STXBP4: variants seen among roughly 807,000 people sequenced by gnomAD.
The protein encoded by STXBP4 is syntaxin-binding protein 4.
Under a neutral mutation model 76.1 loss-of-function variants are expected in STXBP4, and 55 were observed. The ratio of observed to expected loss-of-function variants is 0.72; its 90% CI spans 0.58 to 0.91. The LOEUF (loss-of-function observed/expected upper bound fraction) is 0.91. Ranked by LOEUF, STXBP4 falls within the 40% of genes least tolerant of loss-of-function variation. The pLI, the probability that STXBP4 is intolerant of heterozygous loss-of-function variation, is 0.00. For synonymous variants in STXBP4, 201 were observed against 220.2 expected (o/e 0.91, Z 0.77); for missense variants, 618 against 636.9 (o/e 0.97, Z 0.32).
At chr17:55,047,649 A>G (rs1187077611) in intron 12 of STXBP4, among the ~76,000 whole-genome samples, 1 of 151,906 alleles carries the variant, frequency 6.6e-6, no homozygotes, top group Non-Finnish European at 1.5e-5. Context: ...AAACAAATAT[A>G]TGACAATATC....
At chr17:54,997,026 A>G (rs1470639651) in intron 4 of STXBP4, among the ~76,000 whole-genome samples, 46 of 152,214 alleles carry the variant, frequency 3.0e-4, no homozygotes, top group Admixed American at 2.9e-3. Context: ...ATTGCCTCCC[A>G]TGTCAGGTAG....
At chr17:55,108,820 G>A (rs142003753) in intron 16 of STXBP4, among the ~76,000 whole-genome samples, 2,980 of 152,250 alleles carry the variant, frequency 0.02, 39 homozygotes, top group Non-Finnish European at 0.03. Flanking sequence ...CATTGATCTC[G>A]CTGGGAGCTG....
At chr17:55,174,955 C>T (rs577292402), downstream of STXBP4, among the ~76,000 whole-genome samples, 15 of 152,056 alleles carry the variant, frequency 9.9e-5, no homozygotes, top group African/African-American at 2.9e-4. Flanking sequence ...ACCTGGGAGG[C>T]GGAGCTTGCA....
At chr17:55,000,007 A>G (rs2077881746) in intron 6 of STXBP4, among the ~76,000 whole-genome samples, 165 bp downstream of exon 6, 1 of 152,194 alleles carries the variant, frequency 6.6e-6, no homozygotes, top group South Asian at 2.1e-4. Flanking sequence ...TGTGTTTTCA[A>G]TAAACATATT....
At chr17:55,182,168 A>C in the STXBP4 span, among the ~76,000 whole-genome samples, 1 of 152,228 alleles carries the variant, frequency 6.6e-6, no homozygotes, top group Non-Finnish European at 1.5e-5. Flanking sequence ...GAATCAAGAG[A>C]AAACAGCAAA....
chr17:54,992,913 A>C (rs943255088), intron 4 of STXBP4, among the ~76,000 whole-genome samples: 6 of 151,880 alleles, frequency 4.0e-5, no homozygotes, highest in African/African-American at 1.5e-4. Flanking sequence ...GAGTTTCACC[A>C]TGTTGGCCAG....
intron 12 of STXBP4, among the ~76,000 whole-genome samples, chr17:55,059,305 A>AT (rs1269533132): frequency 1.3e-5 from 2 of 152,124 alleles, no homozygotes; most frequent in Non-Finnish European, 2.9e-5. Context: ...TAATTAATTA[A>AT]TTTTTTGACA....
At position 55,081,084 on chromosome 17, in the gene STXBP4, C is replaced by G; in HGVS notation, c.1390C>G (p.Leu464Val). The G allele has an allele frequency of 6.5e-7, 1 of 1,542,980 alleles. No homozygotes were observed. The highest frequency in any genetic ancestry group is 8.7e-7 in the Non-Finnish European group (1 of 1,151,408). Residue 464 changes from leucine (L) to valine (V), a missense_variant, in exon 16 of 18, where the codon CTC (leucine) becomes GTC (valine). Transcript: ENST00000376352. ...AGCTGTGTTAGCTTCTCAGACTTCC[C>G]TCACACCACTGGGAAGGAATGGACG... ...RRAVLASQTSLTPLGRNGRSI... is the reference protein window; with the variant it reads ...RRAVLASQTSVTPLGRNGRSI...
intron 10 of STXBP4, among the ~76,000 whole-genome samples, chr17:55,040,798 A>C (rs1189211581): frequency 6.6e-6 from 1 of 152,210 alleles, no homozygotes; most frequent in Non-Finnish European, 1.5e-5. Flanking sequence ...CAGATGTGGA[A>C]GGTTAAGGAA....
At chr17:55,098,128 A>G (rs2079517135) in intron 16 of STXBP4, among the ~76,000 whole-genome samples, 1 of 152,166 alleles carries the variant, frequency 6.6e-6, no homozygotes. Context: ...AAACCCTGGA[A>G]GATAATGAAC....
rs2080383111 is a variant in STXBP4, at chr17:55,167,607, G to T, written c.*7696G>T. ...AGGTTCTGAAGAAATACCACAGAAT[G>T]ATTTTGGTATAGAAGGGTAGATAAA... On this transcript the variant is annotated 3_prime_UTR_variant, in exon 18 of 18. Coordinates refer to ENST00000376352, the MANE Select transcript of STXBP4 (RefSeq NM_178509.6). The T allele has an allele frequency of 6.6e-6, 1 of 152,188 alleles. No individual in the cohort carries two copies. Among genetic ancestry groups the T allele is most frequent in the African/African-American group, 2.4e-5 (1 of 41,448 alleles). The allele number at this position is 152,188 out of a possible 1,614,324, so 9.4% of individuals were successfully genotyped here.
intron 8 of STXBP4, among the ~76,000 whole-genome samples, chr17:55,009,117 T>C (rs2144552959): frequency 6.6e-6 from 1 of 152,324 alleles, no homozygotes; most frequent in South Asian, 2.1e-4. Context: ...AGTGTTTAAA[T>C]AGCTGCTTCG....
chr17:55,084,128 C>T (rs1016634851), intron 16 of STXBP4, among the ~76,000 whole-genome samples: 4 of 152,054 alleles, frequency 2.6e-5, no homozygotes, highest in Non-Finnish European at 5.9e-5. Context: ...TTCTCCACAT[C>T]CTCTCCAGCA....
At chr17:55,207,797 C>T in the STXBP4 span, among the ~76,000 whole-genome samples, 7 of 152,200 alleles carry the variant, frequency 4.6e-5, no homozygotes, top group East Asian at 1.9e-4. Flanking sequence ...CACGCACGTG[C>T]GCACGTGTGC....
intron 1 of STXBP4, among the ~76,000 whole-genome samples, chr17:54,980,269 T>G (rs181682594): frequency 5.3e-5 from 8 of 152,250 alleles, no homozygotes; most frequent in African/African-American, 1.9e-4. Flanking sequence ...TTTTTGTTAT[T>G]TACAAAATAG....
chr17:55,040,019 A>G (rs2078671184), intron 10 of STXBP4, among the ~76,000 whole-genome samples: 1 of 152,120 alleles, frequency 6.6e-6, no homozygotes, highest in South Asian at 2.1e-4. Context: ...AAAAAGAGAA[A>G]AGGGACAAAC....
chr17:55,094,175 A>G (rs2079453571), intron 16 of STXBP4, among the ~76,000 whole-genome samples: 1 of 151,438 alleles, frequency 6.6e-6, no homozygotes. Context: ...GAAAAAAAAA[A>G]AAAAAAAAGC....
chr17:54,984,545 G>A (rs1372199655), intron 1 of STXBP4, among the ~76,000 whole-genome samples: 8 of 151,488 alleles, frequency 5.3e-5, no homozygotes, highest in East Asian at 1.9e-4. Context: ...AGATTTCACC[G>A]TGTTAGCCAG....
Position 55,031,248 on chromosome 17 carries a change from G to T in STXBP4, c.747G>T (p.Gly249=). The T allele has an allele frequency of 6.2e-7, 1 of 1,612,178 alleles. No homozygotes were observed. Among genetic ancestry groups the T allele is most frequent in the Non-Finnish European group, 8.5e-7 (1 of 1,178,442 alleles). ...LRQQVQADSK[G]TVSFGDFVQV... is the part of the protein sequence containing the mutation. The stretch of plus-strand genomic sequence containing the variant: ...AGCAAGTACAAGCAGACTCAAAAGG[G>T]ACAGTGTCTTTTGGAGGTAATATTA... The change falls in exon 9 of 18, where the codon GGG becomes GGT. Residue 249 remains glycine (G), a synonymous_variant. Transcript: ENST00000376352.
Sources: gnomAD v4.1 joint callset for allele counts (sites outside exome capture counted in the v4.1 genomes callset) on GRCh38, gnomAD v4.1.1 for gene constraint, MANE v1.5 for transcripts, NCBI Gene and HGNC (gene_info 2026-07-23, HGNC 2026-07-21) for gene names.